The following NCOA7 variants were observed in gnomAD, a reference collection of about 807,000 sequenced individuals.
The protein encoded by NCOA7 is nuclear receptor coactivator 7.
NCOA7 carries 45 observed loss-of-function variants against 104.3 expected under a neutral mutation model. The observed-to-expected ratio is 0.43, with a 90% CI of 0.34 to 0.55. The LOEUF is 0.55. NCOA7 is among the 20% of genes least tolerant of loss of function. NCOA7 has a pLI of 0.02. For synonymous variants in NCOA7, 398 were observed against 402.3 expected, an observed-to-expected ratio of 0.99 and a Z score of 0.13; for missense variants, 1,041 against 1,119.7, an observed-to-expected ratio of 0.93 and a Z score of 1.00.
At chr6:125,825,361 A>G (rs1562840705) in intron 2 of NCOA7, among the ~76,000 whole-genome samples, 1 of 152,092 alleles carries the variant, frequency 6.6e-6, no homozygotes, top group Non-Finnish European at 1.5e-5. Flanking sequence ...AAAAAACCAA[A>G]CCACACATAA....
chr6:125,788,698 A>ATTTTTTTTTTTTTTTTTTT (rs60048395), upstream of NCOA7, among the ~76,000 whole-genome samples: 41 of 121,872 alleles, frequency 3.4e-4, no homozygotes, highest in South Asian at 5.4e-4. Flanking sequence ...CACCCAGCTA[A>ATTTTTTTTTTTTTTTTTTT]TTTTTTTTTT....
intron 2 of NCOA7, among the ~76,000 whole-genome samples, chr6:125,839,331 T>G (rs1236704964): frequency 6.6e-6 from 1 of 152,314 alleles, no homozygotes; most frequent in South Asian, 2.1e-4. Flanking sequence ...TTGGCTAGGC[T>G]GGTCTTGAAC....
At position 125,929,017 on chromosome 6, in the gene NCOA7, A is replaced by G; in HGVS notation, c.*246A>G. 2 of 386,792 alleles carry G rather than the reference A, an allele frequency of 5.2e-6. No individual in the cohort carries two copies. 24.0% of individuals were successfully genotyped at this position (386,792 alleles called of 1,614,324 possible). On this transcript the variant is annotated 3_prime_UTR_variant, in exon 16 of 16. Coordinates refer to ENST00000392477, the MANE Select transcript of NCOA7 (RefSeq NM_181782.5). ...AGACTTTGTACTCCCACTTCCTCCA[A>G]ATCCATACAGTGAGGAATCAGAGTG...
At chr6:125,806,387 G>T (rs916738567) in intron 1 of NCOA7, among the ~76,000 whole-genome samples, 6 of 152,020 alleles carry the variant, frequency 3.9e-5, no homozygotes, top group Non-Finnish European at 8.8e-5. Flanking sequence ...TAATAGCATG[G>T]GTTAAGTGTT....
intron 1 of NCOA7, among the ~76,000 whole-genome samples, chr6:125,784,663 T>C (rs1424410191): frequency 3.9e-5 from 6 of 152,180 alleles, no homozygotes; most frequent in Non-Finnish European, 7.3e-5. Context: ...GGTGAATGGT[T>C]AAACAAACTG....
rs965870696 is a variant in NCOA7 at position 125,815,297 on chromosome 6, G to A, written c.-58G>A. 3.4e-5 allele frequency: 45 copies of A among 1,328,422 alleles called. No individual in the cohort carries two copies. The Middle Eastern group carries it at 3.1e-3, about 92-fold the overall frequency. The allele number at this position is 1,328,422 out of a possible 1,614,324, so 82.3% of individuals were successfully genotyped here. A position where few individuals can be genotyped will look rare whatever the true frequency, so the allele number is the denominator to read the frequency against. On this transcript the variant is annotated 5_prime_UTR_variant, in exon 2 of 16. Coordinates refer to ENST00000392477, the MANE Select transcript of NCOA7 (RefSeq NM_181782.5). ...TTGTTATCTTTTCTTACAGGGTTAC[G>A]ACTCACTGATTAAAAAGAGGGACTT... is the stretch of plus-strand genomic sequence containing the variant.
chr6:125,925,426 A>G (rs1167245375), intron 13 of NCOA7, among the ~76,000 whole-genome samples: 3 of 152,226 alleles, frequency 2.0e-5, no homozygotes, highest in Non-Finnish European at 2.9e-5. Flanking sequence ...CAAAGAAACT[A>G]TCCATGCAAA....
intron 1 of NCOA7, among the ~76,000 whole-genome samples, chr6:125,798,778 A>G (rs1416827535): frequency 6.6e-6 from 1 of 152,194 alleles, no homozygotes; most frequent in Non-Finnish European, 1.5e-5. Flanking sequence ...TTTGGTATCC[A>G]TATGTATTAT....
chr6:125,887,625 C>T (rs1784354562), intron 8 of NCOA7, among the ~76,000 whole-genome samples: 1 of 152,174 alleles, frequency 6.6e-6, no homozygotes, highest in South Asian at 2.1e-4. Context: ...TATAAAATCA[C>T]TTTGGGAAGA....
At chr6:125,876,813 T>C (rs2076997998) in intron 4 of NCOA7, among the ~76,000 whole-genome samples, 1 of 152,128 alleles carries the variant, frequency 6.6e-6, no homozygotes. Context: ...CTTTTACTAC[T>C]CCTGAGCTGT....
chr6:125,844,912 G>A (rs1349337587), intron 2 of NCOA7, among the ~76,000 whole-genome samples: 4 of 152,134 alleles, frequency 2.6e-5, no homozygotes, highest in Non-Finnish European at 5.9e-5. Context: ...CTGGAAACCA[G>A]GCACAGGTTG....
At chr6:125,868,102 A>G (rs78009190) in intron 3 of NCOA7, among the ~76,000 whole-genome samples, 3,070 of 152,308 alleles carry the variant, frequency 0.02, 45 homozygotes, top group Non-Finnish European at 0.031. Context: ...AGTTCACTCT[A>G]TTCTTAGTTT....
intron 11 of NCOA7, chr6:125,919,512 G>A (rs905272561): frequency 1.5e-5 from 21 of 1,359,406 alleles, no homozygotes; most frequent in East Asian, 4.6e-5. Flanking sequence ...TTTGAAAGTC[G>A]TTCTAATTAG....
intron 1 of NCOA7, among the ~76,000 whole-genome samples, chr6:125,809,372 G>A (rs905539385): frequency 2.0e-5 from 3 of 152,018 alleles, no homozygotes; most frequent in South Asian, 2.1e-4. Flanking sequence ...TAGTAGAGAT[G>A]GAGTTTTGCC....
intron 2 of NCOA7, among the ~76,000 whole-genome samples, chr6:125,822,970 G>A (rs949897410): frequency 1.4e-5 from 2 of 143,180 alleles, no homozygotes; most frequent in African/African-American, 2.5e-5. Flanking sequence ...AAAACATGCT[G>A]TTAGCATCAT....
chr6:125,824,859 C>T (rs888914298), intron 2 of NCOA7, among the ~76,000 whole-genome samples: 2 of 152,032 alleles, frequency 1.3e-5, no homozygotes, highest in Admixed American at 1.3e-4. Flanking sequence ...CCCGGGTTCA[C>T]GCCATTCTCC....
At chr6:125,912,216 GAC>G (rs1005614189) in intron 10 of NCOA7, among the ~76,000 whole-genome samples, 1 of 152,160 alleles carries the variant, frequency 6.6e-6, no homozygotes, top group African/African-American at 2.4e-5. Flanking sequence ...CACCTGGAGA[GAC>G]ACAAGCAGAT....
Position 125,915,397 on chromosome 6 carries a change from G to A in NCOA7, c.2161G>A (p.Glu721Lys), listed in dbSNP as rs1471322745. 1 of 1,613,928 alleles carries A rather than the reference G, an allele frequency of 6.2e-7. No homozygotes were observed. The highest frequency in any genetic ancestry group is 1.3e-5 in the African/African-American group (1 of 75,016). Residue 721 changes from glutamate to lysine, a missense_variant, in exon 11 of 16, where the codon GAG (glutamate) becomes AAG (lysine). Around this residue, in one of 2 missense-constraint regions of NCOA7, gnomAD observed 914 missense variants for 942.7 expected, o/e 0.97. Transcript: ENST00000392477. ...CGATGTCTATGGAAAAGATGCCAAA[G>A]AGCAAGGCTTTGTGGTGGTGGAGAA... The part of the protein sequence containing the change: ...SPDVYGKDAK[E>K]QGFVVVEKEE...
chr6:125,891,481 CA>C (rs1784619506), intron 10 of NCOA7, among the ~76,000 whole-genome samples: 1 of 152,088 alleles, frequency 6.6e-6, no homozygotes, highest in Non-Finnish European at 1.5e-5. Flanking sequence ...GCTTTTATTT[CA>C]TATATGTGGT....
Sources: gnomAD v4.1 joint callset for allele counts (sites outside exome capture counted in the v4.1 genomes callset) on GRCh38, gnomAD v4.1.1 for gene constraint, gnomAD v4.1.1 regional missense constraint, MANE v1.5 for transcripts, NCBI Gene and HGNC (gene_info 2026-07-23, HGNC 2026-07-21) for gene names.